ABAT: variants seen among roughly 807,000 people sequenced by gnomAD.
ABAT encodes 4-aminobutyrate aminotransferase, mitochondrial.
A neutral mutation model predicts 64.6 loss-of-function variants in ABAT; 45 were observed. That is an observed-to-expected ratio of 0.70 (90% CI 0.55 to 0.89). The LOEUF is 0.89. ABAT is among the 40% of genes least tolerant of loss of function. The pLI is 0.00. For missense variants in ABAT, 633 were observed against 658.4 expected (o/e 0.96, Z 0.42); for synonymous variants, 297 against 250.5 (o/e 1.19, Z -1.75).
intron 1 of ABAT, among the ~76,000 whole-genome samples, chr16:8,676,175 G>A (rs12926736): frequency 6.6e-6 from 1 of 152,128 alleles, no homozygotes; most frequent in Non-Finnish European, 1.5e-5. Flanking sequence ...TTTTCTCGAG[G>A]CCCAAAGAGG....
chr16:8,781,108 A>G lies in ABAT; in HGVS notation c.1382-201A>G, dbSNP rs2060423122. ...AAGGAAGAAGAGAATGATGGAGGAG[A>G]TGAATGAGGGGAGAGAGAAAGGAAA... On this transcript the variant is annotated intron_variant, in intron 15 of 15. Transcript: ENST00000268251. The surrounding 1 kb of genome is among the most constrained non-coding windows in gnomAD (Gnocchi z 4.5). 1 of 784,512 alleles carries G rather than the reference A, an allele frequency of 1.3e-6. No individual in the cohort carries two copies. The highest frequency in any genetic ancestry group is 1.4e-5 in the South Asian group (1 of 72,306). 48.6% of individuals were successfully genotyped at this position (784,512 alleles called of 1,614,324 possible).
At chr16:8,718,649 T>G (rs2058279509) in intron 1 of ABAT, among the ~76,000 whole-genome samples, 1 of 152,174 alleles carries the variant, frequency 6.6e-6, no homozygotes, top group Non-Finnish European at 1.5e-5. Flanking sequence ...AGCCAGCCCC[T>G]GCCTCTGGGA....
intron 1 of ABAT, among the ~76,000 whole-genome samples, chr16:8,728,100 C>A (rs563548659): frequency 1.1e-4 from 16 of 152,174 alleles, no homozygotes; most frequent in Middle Eastern, 3.4e-3. Context: ...TTGATTATAT[C>A]TAAACGATGC....
At chr16:8,741,066 A>T (rs1373498707) in intron 2 of ABAT, among the ~76,000 whole-genome samples, 1 of 152,236 alleles carries the variant, frequency 6.6e-6, no homozygotes, top group Non-Finnish European at 1.5e-5. Context: ...GTTTGGAGCT[A>T]AAAATAGACT....
intron 5 of ABAT, among the ~76,000 whole-genome samples, chr16:8,755,643 G>A (rs1373238195): frequency 6.6e-6 from 1 of 152,142 alleles, no homozygotes; most frequent in Non-Finnish European, 1.5e-5. Context: ...GGGTTCGGTG[G>A]CTCACACCTG....
At chr16:8,738,803 C>A (rs183161465) in intron 2 of ABAT, among the ~76,000 whole-genome samples, 1 of 151,818 alleles carries the variant, frequency 6.6e-6, no homozygotes, top group East Asian at 1.9e-4. Flanking sequence ...TGCCACCATG[C>A]CCGGCTAATT....
At chr16:8,770,052 T>C (rs978396676) in intron 11 of ABAT, among the ~76,000 whole-genome samples, 1 of 152,156 alleles carries the variant, frequency 6.6e-6, no homozygotes, top group African/African-American at 2.4e-5. Context: ...AAGCCACATA[T>C]GTAATTATAG....
intron 1 of ABAT, among the ~76,000 whole-genome samples, chr16:8,719,460 A>G (rs2058303596): frequency 6.6e-6 from 1 of 152,098 alleles, no homozygotes; most frequent in African/African-American, 2.4e-5. Flanking sequence ...TTTTCTCTCC[A>G]GTTTTTTCAC....
At chr16:8,684,275 G>A (rs2057401156) in intron 1 of ABAT, among the ~76,000 whole-genome samples, 1 of 152,088 alleles carries the variant, frequency 6.6e-6, no homozygotes, top group African/African-American at 2.4e-5. Context: ...AAATCGCAGG[G>A]GAAAAAGGAA....
At position 8,735,736 on chromosome 16, in the gene ABAT, G is replaced by T. The variant is rs1411197259; in HGVS notation, c.-4G>T. 3 of 1,601,332 alleles carry T rather than the reference G, an allele frequency of 1.9e-6. No homozygotes were observed. In the Admixed American group the frequency reaches 5.1e-5, roughly 27 times the overall value. On this transcript the variant is annotated 5_prime_UTR_variant, in exon 2 of 16. Coordinates refer to ENST00000268251, the MANE Select transcript of ABAT (RefSeq NM_020686.6). The stretch of plus-strand genomic sequence containing the variant: ...CAAAGGGTGTCCCTGTCCCTCAAGG[G>T]GTCATGGCCTCCATGTTGCTCGCCC...
intron 1 of ABAT, chr16:8,722,922 T>C (rs1649428477): frequency 1.6e-6 from 2 of 1,236,880 alleles, no homozygotes; most frequent in Non-Finnish European, 2.1e-6. Flanking sequence ...AGGTGTTTCT[T>C]AGAGTCCGAA....
intron 2 of ABAT, chr16:8,737,282 G>C (rs990743828): frequency 6.6e-6 from 1 of 151,990 alleles, no homozygotes; most frequent in Non-Finnish European, 1.5e-5. Flanking sequence ...GTCGAGACCA[G>C]CCTGGCCAAC....
intron 2 of ABAT, among the ~76,000 whole-genome samples, chr16:8,744,334 G>T (rs1350118330): frequency 6.6e-6 from 1 of 151,982 alleles, no homozygotes; most frequent in African/African-American, 2.4e-5. Context: ...CACATGGTAG[G>T]AATAGGAGCA....
At chr16:8,753,367 A>T (rs541212969) in intron 5 of ABAT, among the ~76,000 whole-genome samples, 3 of 152,210 alleles carry the variant, frequency 2.0e-5, no homozygotes, top group East Asian at 3.9e-4. Context: ...AGTGCTAGGA[A>T]TACAGGCGTG....
At chr16:8,732,896 C>T (rs996122779) in intron 1 of ABAT, among the ~76,000 whole-genome samples, 3 of 150,538 alleles carry the variant, frequency 2.0e-5, no homozygotes, top group African/African-American at 7.4e-5. Flanking sequence ...GCGCCCCTCA[C>T]CTCCGGACGG....
chr16:8,731,125 G>A (rs1188750373), intron 1 of ABAT, among the ~76,000 whole-genome samples: 4 of 152,122 alleles, frequency 2.6e-5, no homozygotes, highest in Non-Finnish European at 5.9e-5. Context: ...ACCACACCCA[G>A]CTAATTTTTG....
At position 8,740,303 on chromosome 16, in the gene ABAT, A is replaced by C. The variant is rs577992851; in HGVS notation, c.70+4494A>C. The stretch of plus-strand genomic sequence containing the variant: ...CACAGTTTCTGCGGGTTGGGACTCC[A>C]GGGGTGACTTAGCCAGATCCTCTGG... On this transcript the variant is annotated intron_variant, in intron 2 of 15. Transcript: ENST00000268251. 3.3e-4 allele frequency among the ~76,000 whole-genome samples: 50 copies of C among 152,300 alleles called. No homozygotes were observed. The South Asian group carries it at 4.4e-3, about 13-fold the overall frequency.
At chr16:8,730,185 G>A (rs1190522755) in intron 1 of ABAT, among the ~76,000 whole-genome samples, 2 of 152,164 alleles carry the variant, frequency 1.3e-5, no homozygotes, top group Non-Finnish European at 2.9e-5. Context: ...CCCAGTACTT[G>A]ATGATGCTTA....
chr16:8,705,281 C>A (rs1010881162), intron 1 of ABAT, among the ~76,000 whole-genome samples: 2 of 152,004 alleles, frequency 1.3e-5, no homozygotes, highest in Non-Finnish European at 2.9e-5. Context: ...AGAGAGCACA[C>A]AGGGAAAACT....
Sources: allele counts gnomAD v4.1 joint callset (sites outside exome capture counted in the v4.1 genomes callset), GRCh38; gene constraint gnomAD v4.1.1; non-coding constraint Gnocchi (gnomAD v3.1); transcripts MANE v1.5; gene names NCBI Gene and HGNC (gene_info 2026-07-23, HGNC 2026-07-21).